Variants in AGBL1 observed in about 807,000 individuals in gnomAD.
AGBL1 encodes AGBL carboxypeptidase 1.
Under a neutral mutation model 118.9 loss-of-function variants are expected in AGBL1, and 130 were observed. The ratio of observed to expected loss-of-function variants is 1.09; its 90% CI spans 0.95 to 1.26. AGBL1 has a LOEUF of 1.26. Ranked by LOEUF, AGBL1 falls within the 50% of genes most tolerant of loss-of-function variation. The pLI is 0.00. For synonymous variants in AGBL1, 555 were observed against 478.9 expected, an observed-to-expected ratio of 1.16 and a Z score of -2.08; for missense variants, 1,584 against 1,298.1, an observed-to-expected ratio of 1.22 and a Z score of -3.38.
intron 17 of AGBL1, among the ~76,000 whole-genome samples, chr15:86,329,060 C>T (rs1597735735): frequency 6.6e-6 from 1 of 152,250 alleles, no homozygotes; most frequent in Middle Eastern, 3.4e-3. Context: ...CATTGCAGGC[C>T]TGGGGTGGAA....
chr15:86,869,981 A>T (rs1331880064), intron 22 of AGBL1, among the ~76,000 whole-genome samples: 1 of 152,174 alleles, frequency 6.6e-6, no homozygotes, highest in African/African-American at 2.4e-5. Flanking sequence ...ATTGCCCGCA[A>T]GTTTCCATTT....
chr15:86,473,465 T>C (rs532235220), intron 18 of AGBL1, among the ~76,000 whole-genome samples: 69 of 152,360 alleles, frequency 4.5e-4, no homozygotes, highest in African/African-American at 1.5e-3. Flanking sequence ...CCTAGAGTTT[T>C]ATTTCTGTCA....
chr15:86,548,551 C>A (rs760455731), intron 20 of AGBL1, among the ~76,000 whole-genome samples: 1 of 151,962 alleles, frequency 6.6e-6, no homozygotes, highest in South Asian at 2.1e-4. Context: ...CATGTAAGAA[C>A]AGCAGGGGTC....
chr15:86,359,004 T>C (rs1049861654), intron 17 of AGBL1, among the ~76,000 whole-genome samples: 1 of 151,954 alleles, frequency 6.6e-6, no homozygotes, highest in Non-Finnish European at 1.5e-5. Context: ...TTTTCTTTGC[T>C]GTTTAGAAAA....
intron 16 of AGBL1, among the ~76,000 whole-genome samples, chr15:86,290,119 T>C (rs903902651): frequency 6.6e-6 from 1 of 152,206 alleles, no homozygotes; most frequent in African/African-American, 2.4e-5. Flanking sequence ...GTACATCTCT[T>C]TTTAAGTTCA....
chr15:86,933,825 G>A (rs1232938948), intron 23 of AGBL1, among the ~76,000 whole-genome samples: 1 of 152,096 alleles, frequency 6.6e-6, no homozygotes, highest in Non-Finnish European at 1.5e-5. Context: ...TATAACATAG[G>A]CTCCCTTGCC....
chr15:86,120,563 T>G (rs201499079), intron 1 of AGBL1, among the ~76,000 whole-genome samples: 1 of 152,216 alleles, frequency 6.6e-6, no homozygotes, highest in Non-Finnish European at 1.5e-5. Flanking sequence ...GCAGTGGCTG[T>G]GAACCACCTC....
intron 5 of AGBL1, among the ~76,000 whole-genome samples, chr15:86,219,955 T>A (rs986928359): frequency 6.2e-5 from 9 of 144,984 alleles, no homozygotes; most frequent in African/African-American, 2.3e-4. Context: ...CTTTTTTTTT[T>A]TTTTTTTTTT....
At chr15:86,446,967 C>A (rs903039780) in intron 18 of AGBL1, among the ~76,000 whole-genome samples, 2 of 152,176 alleles carry the variant, frequency 1.3e-5, no homozygotes, top group African/African-American at 4.8e-5. Flanking sequence ...TTTGATCCAA[C>A]AGTCTGGATT....
chr15:86,861,318 A>T (rs1241143115), intron 22 of AGBL1, among the ~76,000 whole-genome samples: 1 of 152,212 alleles, frequency 6.6e-6, no homozygotes, highest in Non-Finnish European at 1.5e-5. Flanking sequence ...TCCAGCAGCT[A>T]CAAATGATGA....
At chr15:86,469,813 T>A (rs1388003412) in intron 18 of AGBL1, among the ~76,000 whole-genome samples, 2 of 152,210 alleles carry the variant, frequency 1.3e-5, no homozygotes, top group African/African-American at 2.4e-5. Context: ...TTAACTTGCG[T>A]TTCCCAGATG....
At chr15:86,693,123 C>T (rs965999954) in intron 22 of AGBL1, among the ~76,000 whole-genome samples, 1 of 151,954 alleles carries the variant, frequency 6.6e-6, no homozygotes, top group Non-Finnish European at 1.5e-5. Flanking sequence ...GGGTAGATAC[C>T]CAGTAGTGTG....
intron 18 of AGBL1, among the ~76,000 whole-genome samples, chr15:86,460,062 C>A (rs2082312142): frequency 6.6e-6 from 1 of 151,898 alleles, no homozygotes. Context: ...TTGGTCAGGG[C>A]CAGGCTGGTC....
At chr15:86,998,946 T>G (rs953796861) in intron 24 of AGBL1, among the ~76,000 whole-genome samples, 1 of 150,750 alleles carries the variant, frequency 6.6e-6, no homozygotes, top group Non-Finnish European at 1.5e-5. Context: ...ATGTGCCATG[T>G]TGGTGTGCTG....
At chr15:86,934,877 A>T (rs556567056) in intron 23 of AGBL1, among the ~76,000 whole-genome samples, 1 of 152,276 alleles carries the variant, frequency 6.6e-6, no homozygotes, top group East Asian at 1.9e-4. Flanking sequence ...TTAAACACTG[A>T]TTTTGGGGAA....
intron 23 of AGBL1, among the ~76,000 whole-genome samples, chr15:86,946,573 C>T (rs889155995): frequency 2.0e-5 from 3 of 151,906 alleles, no homozygotes; most frequent in Non-Finnish European, 4.4e-5. Flanking sequence ...GGAGGTTGGG[C>T]GCAGGGGCTC....
chr15:86,482,579 A>G (rs1295935087), intron 18 of AGBL1, among the ~76,000 whole-genome samples: 2 of 152,158 alleles, frequency 1.3e-5, no homozygotes, highest in East Asian at 3.9e-4. Context: ...CCCTGGCTGG[A>G]CCCTTCATGT....
rs1267209620 is a variant in AGBL1 at position 86,914,187 on chromosome 15, G to T, written c.*6893G>T. ...CAGGTCTGCCATCCAAACATCCAGG[G>T]TATGGGGGTTAAATGAATGAATGTC... On this transcript the variant is annotated 3_prime_UTR_variant, in exon 23 of 23. Transcript: ENST00000614907. 1 of 152,182 alleles carries T rather than the reference G, an allele frequency of 6.6e-6. No individual in the cohort carries two copies. Among genetic ancestry groups the T allele is most frequent in the East Asian group, 1.9e-4 (1 of 5,176 alleles). 9.4% of individuals were successfully genotyped at this position (152,182 alleles called of 1,614,324 possible). A position where few individuals can be genotyped will look rare whatever the true frequency, so the allele number is the denominator to read the frequency against.
intron 24 of AGBL1, among the ~76,000 whole-genome samples, chr15:86,990,450 T>G (rs2008695): frequency 0.85 from 128,888 of 152,046 alleles, 55,428 homozygotes; most frequent in South Asian, 0.98. Flanking sequence ...GGGGGCAGAG[T>G]TTGCAGTGAG....
Sources: allele counts gnomAD v4.1 joint callset (sites outside exome capture counted in the v4.1 genomes callset), GRCh38; gene constraint gnomAD v4.1.1; transcripts MANE v1.5; gene names NCBI Gene and HGNC (gene_info 2026-07-23, HGNC 2026-07-21).